Variants in MAD1L1 observed in about 807,000 individuals in gnomAD.
MAD1L1 encodes the protein mitotic spindle assembly checkpoint protein MAD1.
A neutral mutation model predicts 96.9 loss-of-function variants in MAD1L1; 95 were observed. That is an observed-to-expected ratio of 0.98 (90% confidence interval 0.83 to 1.16). The LOEUF is 1.16. Among genes scored for constraint, MAD1L1 ranks in the 50% most tolerant of loss-of-function variants. The pLI is 0.00. For missense variants in MAD1L1, 1,007 were observed against 954.4 expected, an observed-to-expected ratio of 1.06 and a Z score of -0.73; for synonymous variants, 473 against 396.6, an observed-to-expected ratio of 1.19 and a Z score of -2.29.
intron 7 of MAD1L1, among the ~76,000 whole-genome samples, chr7:2,217,282 G>A (rs1432224402): frequency 1.3e-5 from 2 of 152,184 alleles, no homozygotes; most frequent in East Asian, 1.9e-4. Flanking sequence ...CAAACCAGAC[G>A]GTCATTCAAC....
At chr7:2,158,112 T>C (rs186423001) in intron 10 of MAD1L1, among the ~76,000 whole-genome samples, 1 of 152,326 alleles carries the variant, frequency 6.6e-6, no homozygotes, top group African/African-American at 2.4e-5. Flanking sequence ...TTTTAAATTC[T>C]AACTGGTGGG....
chr7:2,204,155 G>A (rs926792248), intron 10 of MAD1L1, among the ~76,000 whole-genome samples: 33 of 152,216 alleles, frequency 2.2e-4, no homozygotes, highest in African/African-American at 6.3e-4. Context: ...GGAGGTGCAC[G>A]CAGCCGTGGC....
chr7:2,143,416 G>A (rs28710964), intron 11 of MAD1L1, among the ~76,000 whole-genome samples: 4,079 of 150,914 alleles, frequency 0.027, 105 homozygotes, highest in Middle Eastern at 0.041. Flanking sequence ...TTGAGAGGAC[G>A]GCCTAACCAC....
At position 2,155,368 on chromosome 7, in the gene MAD1L1, G is replaced by A. The variant is rs986347107; in HGVS notation, c.987-6130C>T. ...CCATTTTTAAGTCCCCAGTTCTGTC[G>A]TGTTGAGCATATTCATGTTATTGGG... On this transcript the variant is annotated intron_variant, in intron 10 of 18. Coordinates refer to ENST00000265854, the MANE Select transcript of MAD1L1 (RefSeq NM_001013836.2). Among the ~76,000 whole-genome samples the A allele has an allele frequency of 4.6e-5, 7 of 152,180 alleles. 1 individual carries two copies. The highest frequency in any genetic ancestry group is 1.3e-4 in the Admixed American group (2 of 15,282).
At chr7:2,145,088 C>T (rs1027823738) in intron 11 of MAD1L1, among the ~76,000 whole-genome samples, 1 of 152,206 alleles carries the variant, frequency 6.6e-6, no homozygotes, top group African/African-American at 2.4e-5. Context: ...TGTAGGCTGC[C>T]CCGCTGCCCA....
chr7:2,096,420 T>G (rs930209164), intron 11 of MAD1L1, among the ~76,000 whole-genome samples: 1 of 152,182 alleles, frequency 6.6e-6, no homozygotes, highest in African/African-American at 2.4e-5. Context: ...CGAACCTCAG[T>G]GCGGACTCGG....
At chr7:2,092,701 C>G (rs1413338644) in intron 11 of MAD1L1, among the ~76,000 whole-genome samples, 1 of 152,156 alleles carries the variant, frequency 6.6e-6, no homozygotes, top group Non-Finnish European at 1.5e-5. Context: ...AGTTATTTGT[C>G]AAATATCTGA....
intron 5 of MAD1L1, among the ~76,000 whole-genome samples, chr7:2,221,857 G>A (rs909582586): frequency 6.6e-5 from 10 of 152,190 alleles, no homozygotes; most frequent in Admixed American, 2.0e-4. Context: ...CCTCAGCCAG[G>A]CCTCTGAGCA....
chr7:1,980,532 C>T lies in MAD1L1; in HGVS notation c.1426G>A (p.Glu476Lys). Residue 476 changes from glutamate (E) to lysine (K), a missense_variant, in exon 15 of 19, where the codon GAG becomes AAG. By Grantham distance (56) the Glu-to-Lys change is moderately conservative (BLOSUM62 1). Coordinates refer to ENST00000265854, the MANE Select transcript of MAD1L1 (RefSeq NM_001013836.2). ...GACTGAGACTTCAGCATCTTCAGCTCCATCTCCAGCTAGGAGAAAGCAAAG... is the reference window on the plus strand; with the variant it reads ...GACTGAGACTTCAGCATCTTCAGCTTCATCTCCAGCTAGGAGAAAGCAAAG... ...QKQRADMLEM[E>K]LKMLKSQSSS... The T allele has an allele frequency of 6.2e-7, 1 of 1,609,382 alleles. No homozygotes were observed.
chr7:2,061,371 A>AAAAT (rs1486879260), intron 12 of MAD1L1, among the ~76,000 whole-genome samples: 11 of 149,004 alleles, frequency 7.4e-5, no homozygotes, highest in African/African-American at 2.7e-4. Flanking sequence ...AAAATAAAAT[A>AAAAT]AAAATAAAAG....
At chr7:1,918,210 C>A (rs1042450841) in intron 17 of MAD1L1, among the ~76,000 whole-genome samples, 2 of 152,176 alleles carry the variant, frequency 1.3e-5, no homozygotes, top group African/African-American at 4.8e-5. Flanking sequence ...AGAAGCCCCA[C>A]GATGGCCCAG....
At chr7:1,844,958 G>T (rs1420255852) in intron 18 of MAD1L1, among the ~76,000 whole-genome samples, 1 of 152,240 alleles carries the variant, frequency 6.6e-6, no homozygotes, top group Non-Finnish European at 1.5e-5. Flanking sequence ...TCACTGTCCC[G>T]CCATCAGAAG....
At chr7:1,827,559 G>A (rs1782475886) in intron 18 of MAD1L1, among the ~76,000 whole-genome samples, 1 of 128,564 alleles carries the variant, frequency 7.8e-6, no homozygotes. Flanking sequence ...CCCCTCCTGA[G>A]CCCGTCCCGG....
chr7:2,227,856 C>G (rs1432126216), intron 3 of MAD1L1, among the ~76,000 whole-genome samples: 1 of 152,204 alleles, frequency 6.6e-6, no homozygotes, highest in African/African-American at 2.4e-5. Flanking sequence ...CCCAGACACA[C>G]CTGATCCGTG....
intron 12 of MAD1L1, among the ~76,000 whole-genome samples, chr7:2,063,337 C>T (rs895843692): frequency 6.6e-6 from 1 of 152,240 alleles, no homozygotes; most frequent in African/African-American, 2.4e-5. Context: ...CAGGCTGTGC[C>T]GGATCCCAGG....
chr7:2,145,195 C>T (rs1181904034), intron 11 of MAD1L1, among the ~76,000 whole-genome samples: 2 of 152,332 alleles, frequency 1.3e-5, no homozygotes, highest in African/African-American at 2.4e-5. Flanking sequence ...GCACCAGGCA[C>T]GTTACCAACG....
intron 18 of MAD1L1, among the ~76,000 whole-genome samples, chr7:1,844,988 G>A (rs377452730): frequency 1.3e-5 from 2 of 152,226 alleles, no homozygotes; most frequent in East Asian, 3.9e-4. Context: ...GGTGCGGGGA[G>A]GAGGGGCCTG....
chr7:2,218,010 T>C lies in MAD1L1; in HGVS notation c.630A>G (p.Glu210=), dbSNP rs767482573. ...KCQEANQKIQ[E]LQASQEARAD... ...CTCTTGCTTCTTGGCTGGCCTGGAG[T>C]TCCTGGATTTTCTGATTGGCTTCCT... Residue 210 remains glutamate (E), a synonymous_variant, in exon 7 of 19, where the codon GAA becomes GAG. Coordinates refer to ENST00000265854, the MANE Select transcript of MAD1L1 (RefSeq NM_001013836.2). 1 of 1,613,980 alleles carries C rather than the reference T, an allele frequency of 6.2e-7. No individual in the cohort carries two copies. The highest frequency in any genetic ancestry group is 8.5e-7 in the Non-Finnish European group (1 of 1,179,932).
At position 2,004,989 on chromosome 7, in the gene MAD1L1, C is replaced by T. The variant is rs550255791; in HGVS notation, c.1360-2868G>A. Among the ~76,000 whole-genome samples the T allele has an allele frequency of 3.3e-5, 5 of 152,342 alleles. No homozygotes were observed. The East Asian group carries it at 9.6e-4, about 29-fold the overall frequency. On this transcript the variant is annotated intron_variant, in intron 13 of 18. Transcript: ENST00000265854. The stretch of plus-strand genomic sequence containing the variant: ...ACTCGGAGCCAAGGAGCCCTGAACT[C>T]AGACTCGCGCACTGGTCTCGGGTAC...
Sources: gnomAD v4.1 joint callset for allele counts (sites outside exome capture counted in the v4.1 genomes callset) on GRCh38, gnomAD v4.1.1 for gene constraint, MANE v1.5 for transcripts, NCBI Gene and HGNC (gene_info 2026-07-23, HGNC 2026-07-21) for gene names.